MTFR1: variants seen among roughly 807,000 people sequenced by gnomAD.
MTFR1 encodes chondrocyte protein with a poly-proline region.
Under a neutral mutation model 38.8 loss-of-function variants are expected in MTFR1, and 28 were observed. The ratio of observed to expected loss-of-function variants is 0.72; its 90% CI spans 0.53 to 0.99. The LOEUF (loss-of-function observed/expected upper bound fraction) is 0.99, where lower values mean the gene tolerates loss of function less well. MTFR1 is among the 50% of genes least tolerant of loss of function. The probability of loss-of-function intolerance (pLI) is 0.00; values close to 1 mark genes in which losing one functional copy is unlikely to be tolerated. For missense variants in MTFR1, 358 were observed against 395.5 expected (o/e 0.91, Z 0.81); for synonymous variants, 145 against 137.0 (o/e 1.06, Z -0.41).
chr8:65,714,235 G>C (rs1308112441), downstream of MTFR1: 1 of 150,174 alleles, frequency 6.7e-6, no homozygotes, highest in Non-Finnish European at 1.5e-5. Flanking sequence ...CAGAAACTTG[G>C]ATACTGCTTA....
At chr8:65,772,835 C>T (rs760086761), downstream of MTFR1, among the ~76,000 whole-genome samples, 2 of 152,012 alleles carry the variant, frequency 1.3e-5, no homozygotes, top group African/African-American at 2.4e-5. Flanking sequence ...GAAACCCTAT[C>T]TTTAATAAAA....
Position 65,719,482 on chromosome 8 carries a change from G to C in MTFR1, c.*48+1G>C. On this transcript the variant is annotated splice_donor_variant, in intron 3 of 3. Transcript: ENST00000521247. LOFTEE classifies it low-confidence loss of function (3UTR_SPLICE). Reference sequence around the variant, plus strand: ...ATTCTGTAAATAAAGGCTCCACTAGGTAAGTCATAAAACCTTGAGAAAATA... The same window carrying C: ...ATTCTGTAAATAAAGGCTCCACTAGCTAAGTCATAAAACCTTGAGAAAATA... 6.2e-7 allele frequency: 1 copy of C among 1,611,866 alleles called. No individual in the cohort carries two copies. The highest frequency in any genetic ancestry group is 8.5e-7 in the Non-Finnish European group (1 of 1,177,962).
chr8:65,707,324 T>C, intron 6 of MTFR1, 68 bp downstream of exon 6: 1 of 1,507,638 alleles, frequency 6.6e-7, no homozygotes, highest in South Asian at 1.3e-5. Context: ...CCAGGCTTCT[T>C]GAGGAATTTT....
chr8:65,760,739 T>C (rs1002517995), intron 3 of MTFR1, among the ~76,000 whole-genome samples: 6 of 152,208 alleles, frequency 3.9e-5, no homozygotes, highest in African/African-American at 4.8e-5. Context: ...AGTAATGACA[T>C]GTAAAATTCT....
intron 1 of MTFR1, among the ~76,000 whole-genome samples, chr8:65,655,224 T>C (rs900749133): frequency 2.6e-5 from 4 of 152,230 alleles, no homozygotes; most frequent in Non-Finnish European, 4.4e-5. Context: ...GATCTCTGTC[T>C]CTAACTTCTT....
rs565795280 is a variant in MTFR1, at chr8:65,739,464, G to A, written c.*48+19983G>A. ...AACTTAAACAGGTTCTTGTATAAAT[G>A]TAAATCTTGTTACTGTTAATGGGTT... On this transcript the variant is annotated intron_variant, in intron 3 of 3. Coordinates refer to the MTFR1 transcript ENST00000521247. 1.9e-4 allele frequency: 289 copies of A among 1,514,604 alleles called. 4 individuals are homozygous for A. The South Asian group carries it at 1.9e-3, about 10-fold the overall frequency. The allele number at this position is 1,514,604 out of a possible 1,614,324, so 93.8% of individuals were successfully genotyped here.
chr8:65,687,506 C>T (rs1046474731), intron 3 of MTFR1, among the ~76,000 whole-genome samples: 2 of 151,952 alleles, frequency 1.3e-5, no homozygotes, highest in African/African-American at 2.4e-5. Flanking sequence ...CCACCACGCC[C>T]GGCTAATTTT....
intron 1 of MTFR1, among the ~76,000 whole-genome samples, chr8:65,667,660 T>C (rs942865438): frequency 2.0e-5 from 3 of 152,182 alleles, no homozygotes; most frequent in South Asian, 2.1e-4. Flanking sequence ...ACTCCTGACT[T>C]CAGGCAATCT....
At position 65,715,898 on chromosome 8, in the gene MTFR1, G is replaced by A. The variant is rs561281834; in HGVS notation, c.382-3482G>A. Among the ~76,000 whole-genome samples the A allele has an allele frequency of 2.1e-4, 31 of 145,448 alleles. No individual in the cohort carries two copies. In the East Asian group the frequency reaches 6.2e-3, roughly 29 times the overall value. ...AGCGACCTGGGAGACTGAGGCAGGAGAATGAGGAGAATGGCGTGAACCCGG... is the reference window on the plus strand; with the variant it reads ...AGCGACCTGGGAGACTGAGGCAGGAAAATGAGGAGAATGGCGTGAACCCGG... On this transcript the variant is annotated intron_variant, in intron 2 of 3. Transcript: ENST00000521247.
intron 3 of MTFR1, among the ~76,000 whole-genome samples, chr8:65,764,415 C>T (rs1808665757): frequency 6.6e-6 from 1 of 152,220 alleles, no homozygotes; most frequent in South Asian, 2.1e-4. Context: ...TGATGGATAG[C>T]TGCTTTCGCA....
At chr8:65,736,619 T>C (rs939937449) in intron 3 of MTFR1, among the ~76,000 whole-genome samples, 2 of 151,664 alleles carry the variant, frequency 1.3e-5, no homozygotes, top group Non-Finnish European at 2.9e-5. Context: ...GGTGTGGTGG[T>C]GCACACCTAT....
chr8:65,765,264 C>T (rs1442150252), intron 3 of MTFR1, among the ~76,000 whole-genome samples: 2 of 151,516 alleles, frequency 1.3e-5, no homozygotes, highest in East Asian at 1.9e-4. Flanking sequence ...CCGAGGCGGG[C>T]GGATCACGAG....
At chr8:65,730,647 G>A (rs1308146935) in intron 3 of MTFR1, among the ~76,000 whole-genome samples, 4 of 152,180 alleles carry the variant, frequency 2.6e-5, no homozygotes, top group African/African-American at 9.6e-5. Flanking sequence ...AGAGAACTAG[G>A]CTGGGCATGG....
At chr8:65,739,924 C>T (rs897210407) in intron 3 of MTFR1, among the ~76,000 whole-genome samples, 1 of 152,200 alleles carries the variant, frequency 6.6e-6, no homozygotes, top group African/African-American at 2.4e-5. Context: ...CACATAGTAA[C>T]CTAACTCAGT....
chr8:65,679,123 A>G (rs1804804133), intron 2 of MTFR1, among the ~76,000 whole-genome samples: 2 of 152,102 alleles, frequency 1.3e-5, no homozygotes, highest in South Asian at 4.1e-4. Flanking sequence ...TGCTTGCTGG[A>G]GGGGAGAAAG....
chr8:65,700,153 C>T (rs942533947), intron 4 of MTFR1, among the ~76,000 whole-genome samples: 10 of 151,506 alleles, frequency 6.6e-5, no homozygotes, highest in Non-Finnish European at 1.3e-4. Flanking sequence ...GAGTTCAAGA[C>T]GAGCCTGGGC....
intron 3 of MTFR1, among the ~76,000 whole-genome samples, chr8:65,759,896 T>A (rs1159164216): frequency 6.6e-6 from 1 of 152,130 alleles, no homozygotes. Flanking sequence ...TATGTATATA[T>A]ACGTATAATT....
chr8:65,726,128 AT>A (rs1245037936), intron 3 of MTFR1, among the ~76,000 whole-genome samples: 8 of 152,188 alleles, frequency 5.3e-5, no homozygotes, highest in African/African-American at 1.9e-4. Context: ...ACATATTTTT[AT>A]ACCTCACCAC....
intron 3 of MTFR1, among the ~76,000 whole-genome samples, chr8:65,740,067 G>GT (rs1185228659): frequency 1.3e-5 from 2 of 149,220 alleles, no homozygotes; most frequent in Non-Finnish European, 3.0e-5. Flanking sequence ...TCCATACAGG[G>GT]TTAGGAGGAG....
Sources: gnomAD v4.1 joint callset for allele counts (sites outside exome capture counted in the v4.1 genomes callset) on GRCh38, gnomAD v4.1.1 for gene constraint, MANE v1.5 for transcripts, NCBI Gene and HGNC (gene_info 2026-07-23, HGNC 2026-07-21) for gene names.